The following COX11 variants were observed in gnomAD, a reference collection of about 807,000 sequenced individuals.
The protein encoded by COX11 is cytochrome c oxidase assembly protein COX11, mitochondrial.
A neutral mutation model predicts 29.4 loss-of-function variants in COX11; 18 were observed. That is an observed-to-expected ratio of 0.61 (90% CI 0.42 to 0.91). The LOEUF (loss-of-function observed/expected upper bound fraction) is 0.91. COX11 is among the 40% of genes least tolerant of loss of function. COX11 has a pLI of 0.00. For synonymous variants in COX11, 131 were observed against 124.0 expected (o/e 1.06, Z -0.38); for missense variants, 312 against 346.0 (o/e 0.90, Z 0.78).
intron 1 of COX11, among the ~76,000 whole-genome samples, chr17:54,965,647 T>C (rs923444907): frequency 2.8e-4 from 42 of 152,162 alleles, no homozygotes; most frequent in Middle Eastern, 6.8e-3. Flanking sequence ...GCTAACACAG[T>C]GAACCCCCGT....
In COX11 at chr17:54,968,589, T is replaced by C. The variant is rs1265102869; in HGVS notation, c.58A>G (p.Ile20Val). The C allele has an allele frequency of 3.1e-6, 5 of 1,612,764 alleles. No homozygotes were observed. In the Admixed American group the frequency reaches 6.7e-5, roughly 22 times the overall value. ...GCCCTGGTTGGAGACCCAGGGTGGA[T>C]CCAGCGCCAGCCACAGAAAGGAACG... is the stretch of plus-strand genomic sequence containing the variant. ...RCVPFCGWRW[I>V]HPGSPTRAAE... Residue 20 changes from isoleucine (I) to valine (V), a missense_variant, in exon 1 of 4, where the codon ATC becomes GTC. Ile to Val is a conservative substitution (Grantham distance 29). This residue lies in a region of COX11 where 130 missense variants were observed against 106.0 expected (regional missense o/e 1.23). Transcript: ENST00000299335.
At position 54,968,284 on chromosome 17, in the gene COX11, G is replaced by C; in HGVS notation, c.363C>G (p.Cys121Trp). The part of the protein sequence containing the change: ...YAAVPLYRLY[C>W]QTTGLGGSAV... ...TGCGGGCGGCGCCGGCCCCTACCTG[G>C]CAATAGAGCCGATAAAGGGGTACGG... Residue 121 changes from cysteine to tryptophan, a missense_variant, in exon 1 of 4, where the codon TGC (cysteine) becomes TGG (tryptophan). Cys to Trp is a radical substitution (Grantham distance 215, BLOSUM62 -2). Coordinates refer to ENST00000299335, the MANE Select transcript of COX11 (RefSeq NM_004375.5). The C allele has an allele frequency of 6.2e-7, 1 of 1,611,240 alleles. No individual in the cohort carries two copies.
downstream of COX11, among the ~76,000 whole-genome samples, chr17:54,956,525 C>T (rs991270227): frequency 2.0e-5 from 3 of 152,128 alleles, no homozygotes; most frequent in African/African-American, 7.2e-5. Context: ...CCAGGCTGGT[C>T]TCGAACTCTT....
chr17:54,955,646 T>G (rs2332314), downstream of COX11, among the ~76,000 whole-genome samples: 78,098 of 151,988 alleles, frequency 0.51, 20,614 homozygotes, highest in Non-Finnish European at 0.56. Context: ...CCTTGTCTTT[T>G]TGTTGGGGAT....
At chr17:54,958,385 G>C (rs893583702), downstream of COX11, 1 of 152,224 alleles carries the variant, frequency 6.6e-6, no homozygotes, top group South Asian at 2.1e-4. Flanking sequence ...AGATTAAGTA[G>C]AGACAGTAAG....
At chr17:54,959,845 G>A (rs2077067371), downstream of COX11, among the ~76,000 whole-genome samples, 1 of 151,966 alleles carries the variant, frequency 6.6e-6, no homozygotes, top group African/African-American at 2.4e-5. Flanking sequence ...TTGAAATCCT[G>A]GACTCAAGCG....
chr17:54,964,881 A>C, intron 1 of COX11, 29 bp from the exon 2 acceptor site: 1 of 1,602,660 alleles, frequency 6.2e-7, no homozygotes, highest in Non-Finnish European at 8.5e-7. Context: ...TATGTTAAAC[A>C]ATACTTTTAG....
chr17:54,955,106 C>T (rs1412014231), exon 1 of COX11: 2 of 152,216 alleles, frequency 1.3e-5, no homozygotes, highest in Non-Finnish European at 2.9e-5. Context: ...GGCTTCCAAA[C>T]TCTGGAGATT....
chr17:54,962,536 T>G lies in COX11; in HGVS notation c.*197A>C. The G allele has an allele frequency of 1.5e-6, 2 of 1,294,092 alleles. No individual in the cohort carries two copies. The highest frequency in any genetic ancestry group is 2.0e-6 in the Non-Finnish European group (2 of 1,023,598). The allele number at this position is 1,294,092 out of a possible 1,614,324, so 80.2% of individuals were successfully genotyped here. ...TGGTATTGAATAGTCAGTCATATAT[T>G]CTAGCTAGGCATATGAGTTTCTTAT... On this transcript the variant is annotated 3_prime_UTR_variant, in exon 4 of 4. Transcript: ENST00000299335.
In COX11 at chr17:54,960,593, C is replaced by A; in HGVS notation, c.*2140G>T. The A allele has an allele frequency of 6.2e-7, 1 of 1,613,162 alleles. No homozygotes were observed. Among genetic ancestry groups the A allele is most frequent in the Non-Finnish European group, 8.5e-7 (1 of 1,179,622 alleles). ...CTATTTATGAAGAAATTGATGCTCA[C>A]CAGCACAAAGGAGCTCAAAATGATG... On this transcript the variant is annotated 3_prime_UTR_variant, in exon 4 of 4. Coordinates refer to ENST00000299335, the MANE Select transcript of COX11 (RefSeq NM_004375.5).
At chr17:54,963,011 G>A (rs1272320412) in intron 3 of COX11, 96 bp from the exon 4 acceptor site, 40 of 1,103,436 alleles carry the variant, frequency 3.6e-5, no homozygotes, top group Admixed American at 5.1e-5. Context: ...AGTACACTTC[G>A]TGATTTTAAT....
Position 54,961,025 on chromosome 17 carries a change from A to G in COX11, c.*1708T>C, listed in dbSNP as rs2144116030. On this transcript the variant is annotated 3_prime_UTR_variant, in exon 4 of 4. Coordinates refer to ENST00000299335, the MANE Select transcript of COX11 (RefSeq NM_004375.5). ...ATTTTTCCTATTTTCAGCACTACTAATCCCATGTATTTACTATTTAATGGT... is the reference window on the plus strand; with the variant it reads ...ATTTTTCCTATTTTCAGCACTACTAGTCCCATGTATTTACTATTTAATGGT... 1 of 583,024 alleles carries G rather than the reference A, an allele frequency of 1.7e-6. No individual in the cohort carries two copies. The highest frequency in any genetic ancestry group is 2.1e-5 in the South Asian group (1 of 47,034). 36.1% of individuals were successfully genotyped at this position (583,024 alleles called of 1,614,324 possible).
chr17:54,956,201 G>C (rs1169313374), downstream of COX11, among the ~76,000 whole-genome samples: 1 of 152,168 alleles, frequency 6.6e-6, no homozygotes, highest in Non-Finnish European at 1.5e-5. Flanking sequence ...CTAGAATAAA[G>C]TGGCATGATC....
chr17:54,968,767 G>T (rs533436889), upstream of COX11: 20 of 1,230,736 alleles, frequency 1.6e-5, 1 homozygote, highest in South Asian at 3.0e-4. Context: ...GGCTCCTCAG[G>T]TGGCAGCGCT....
chr17:54,956,614 ATTT>A (rs2049517537), downstream of COX11: 1 of 151,126 alleles, frequency 6.6e-6, no homozygotes, highest in African/African-American at 2.4e-5. Context: ...TAGCCTTTTA[ATTT>A]TTTTCTTTTT....
At chr17:54,963,494 CTAAAT>C in intron 2 of COX11, 63 bp from the exon 3 acceptor site, 1 of 1,495,518 alleles carries the variant, frequency 6.7e-7, no homozygotes, top group Non-Finnish European at 9.0e-7. Flanking sequence ...CTTTTCCCTG[CTAAAT>C]TAGTCTCATT....
At chr17:54,966,014 C>T (rs2077211195) in intron 1 of COX11, among the ~76,000 whole-genome samples, 2 of 152,230 alleles carry the variant, frequency 1.3e-5, no homozygotes, top group Admixed American at 6.5e-5. Context: ...CTGTTTGTTA[C>T]GCAAGTCAAC....
chr17:54,963,283 G>GC (rs2077162744), intron 3 of COX11, 23 bp downstream of exon 3: 15 of 1,600,598 alleles, frequency 9.4e-6, no homozygotes, highest in Non-Finnish European at 1.3e-5. Context: ...ATCATATTCT[G>GC]TAAAGTTTAC....
At chr17:54,952,553 A>AG (rs1380990337) in exon 1 of COX11, 1 of 151,980 alleles carries the variant, frequency 6.6e-6, no homozygotes, top group Admixed American at 6.6e-5. Context: ...TCTCAAAAAA[A>AG]AAAAAAAAAA....
Sources: allele counts gnomAD v4.1 joint callset (sites outside exome capture counted in the v4.1 genomes callset), GRCh38; gene constraint gnomAD v4.1.1; regional missense constraint gnomAD v4.1.1; transcripts MANE v1.5; gene names NCBI Gene and HGNC (gene_info 2026-07-23, HGNC 2026-07-21).